The following MECOM variants were observed in gnomAD, a reference collection of about 807,000 sequenced individuals.
MECOM encodes histone-lysine N-methyltransferase MECOM.
In MECOM, 13 loss-of-function variants were observed where a neutral mutation model predicts 116.3. The observed-to-expected ratio is 0.11, with a 90% CI of 0.07 to 0.18. The LOEUF (loss-of-function observed/expected upper bound fraction) is 0.18, where lower values mean the gene tolerates loss of function less well. Ranked by LOEUF, MECOM falls within the 10% of genes least tolerant of loss-of-function variation. The pLI is 1.00. For missense variants in MECOM, 1,299 were observed against 1,509.0 expected (o/e 0.86, Z 2.31); for synonymous variants, 528 against 535.2 (o/e 0.99, Z 0.19).
At chr3:169,499,339 T>C (rs1271296758) in intron 1 of MECOM, among the ~76,000 whole-genome samples, 1 of 88,106 alleles carries the variant, frequency 1.1e-5, no homozygotes. Context: ...AAAAGACAGA[T>C]TACCCACAAA....
At chr3:169,285,196 G>A (rs1713024516) in intron 2 of MECOM, among the ~76,000 whole-genome samples, 1 of 152,160 alleles carries the variant, frequency 6.6e-6, no homozygotes, top group African/African-American at 2.4e-5. Flanking sequence ...AGTGTTTGTA[G>A]AGCCGTGTCT....
At chr3:169,473,594 C>T (rs781479125) in intron 1 of MECOM, among the ~76,000 whole-genome samples, 4 of 151,962 alleles carry the variant, frequency 2.6e-5, no homozygotes, top group Non-Finnish European at 5.9e-5. Flanking sequence ...CACAGTGAAA[C>T]CCTGTCTCTA....
chr3:169,572,434 G>A (rs534620296), intron 1 of MECOM, among the ~76,000 whole-genome samples: 226 of 152,280 alleles, frequency 1.5e-3, no homozygotes, highest in African/African-American at 5.1e-3. Flanking sequence ...ACAGTGTGGC[G>A]ATTCCTCAAG....
chr3:169,539,134 T>G (rs1273230669), intron 1 of MECOM, among the ~76,000 whole-genome samples: 1 of 152,178 alleles, frequency 6.6e-6, no homozygotes, highest in Non-Finnish European at 1.5e-5. Context: ...AGCTCGTTGT[T>G]CTTTAAATAT....
At chr3:169,381,738 T>C (rs748312035) in intron 1 of MECOM, among the ~76,000 whole-genome samples, 1 of 152,186 alleles carries the variant, frequency 6.6e-6, no homozygotes, top group Admixed American at 6.5e-5. Flanking sequence ...ATAAATCAAA[T>C]GAGCTAATCC....
intron 1 of MECOM, among the ~76,000 whole-genome samples, chr3:169,597,808 C>T (rs1448077700): frequency 2.0e-5 from 3 of 152,100 alleles, no homozygotes; most frequent in African/African-American, 7.2e-5. Context: ...TCCTGAGGTT[C>T]CTGTCCCAGA....
intron 2 of MECOM, among the ~76,000 whole-genome samples, chr3:169,314,311 T>C (rs1719341147): frequency 6.6e-6 from 1 of 152,204 alleles, no homozygotes; most frequent in South Asian, 2.1e-4. Context: ...CACTTCTTTA[T>C]AGATGAACAA....
intron 1 of MECOM, among the ~76,000 whole-genome samples, chr3:169,618,935 G>A (rs749427335): frequency 1.3e-5 from 2 of 151,566 alleles, no homozygotes; most frequent in South Asian, 2.1e-4. Flanking sequence ...AAAAGCCACC[G>A]TCCTCTAAGA....
At chr3:169,292,993 C>A (rs73172049) in intron 2 of MECOM, among the ~76,000 whole-genome samples, 2,632 of 152,220 alleles carry the variant, frequency 0.017, 25 homozygotes, top group Non-Finnish European at 0.027. Flanking sequence ...ACCACCTAAG[C>A]TCAGTGAGAT....
intron 1 of MECOM, among the ~76,000 whole-genome samples, chr3:169,589,154 C>T (rs1419870759): frequency 6.6e-6 from 1 of 151,886 alleles, no homozygotes; most frequent in Admixed American, 6.6e-5. Context: ...TTTTCCCTCC[C>T]AACTCTCCAA....
intron 1 of MECOM, among the ~76,000 whole-genome samples, chr3:169,397,655 A>G (rs1735218046): frequency 6.6e-6 from 1 of 152,238 alleles, no homozygotes; most frequent in South Asian, 2.1e-4. Flanking sequence ...TGAGACAGAT[A>G]TTCCCAGAGT....
At position 169,252,052 on chromosome 3, in the gene MECOM, G is replaced by C. The variant is rs149943172; in HGVS notation, c.376-108220C>G. Among the ~76,000 whole-genome samples, 499 of 152,022 alleles carry C rather than the reference G, an allele frequency of 3.3e-3. 4 individuals carry two copies. Among genetic ancestry groups the C allele is most frequent in the Admixed American group, 6.2e-3 (94 of 15,244 alleles). ...TGTTTTTGATCAGAGGTGGATAGAA[G>C]GTCATTTCAATCGAATCAAATGTAA... is the stretch of plus-strand genomic sequence containing the variant. On this transcript the variant is annotated intron_variant, in intron 2 of 16. Transcript: ENST00000651503.
chr3:169,594,531 G>A lies in MECOM; in HGVS notation c.37+68805C>T, dbSNP rs571725999. On this transcript the variant is annotated intron_variant, in intron 1 of 16. Transcript: ENST00000651503. The stretch of plus-strand genomic sequence containing the variant: ...CTTAATAGACCCATTGGGTGATTCC[G>A]ATACAGGCTACAGTTCGACAACCAC... 1.4e-4 allele frequency among the ~76,000 whole-genome samples: 21 copies of A among 151,966 alleles called. 1 individual carries two copies. The highest frequency in any genetic ancestry group is 1.4e-3 in the East Asian group (7 of 5,140).
At chr3:169,559,209 A>G (rs1762377187) in intron 1 of MECOM, among the ~76,000 whole-genome samples, 1 of 152,210 alleles carries the variant, frequency 6.6e-6, no homozygotes, top group Non-Finnish European at 1.5e-5. Flanking sequence ...GTTATAAATG[A>G]AGATCATATA....
At chr3:169,240,842 CT>C (rs1027842187) in intron 2 of MECOM, among the ~76,000 whole-genome samples, 6 of 152,156 alleles carry the variant, frequency 3.9e-5, no homozygotes, top group Non-Finnish European at 8.8e-5. Flanking sequence ...CCAAATCCCC[CT>C]TTTTATTATC....
chr3:169,472,206 A>T (rs957264548), intron 1 of MECOM, among the ~76,000 whole-genome samples: 1 of 150,834 alleles, frequency 6.6e-6, no homozygotes, highest in African/African-American at 2.4e-5. Context: ...ATTAAAAATT[A>T]AAAAAAAATT....
chr3:169,384,593 C>T (rs1334491724), intron 1 of MECOM, among the ~76,000 whole-genome samples: 1 of 152,106 alleles, frequency 6.6e-6, no homozygotes, highest in African/African-American at 2.4e-5. Context: ...CGATTTCTCC[C>T]CCATTGTTAG....
chr3:169,538,234 C>T (rs542943059), intron 1 of MECOM, among the ~76,000 whole-genome samples: 8 of 152,262 alleles, frequency 5.3e-5, no homozygotes, highest in East Asian at 1.9e-4. Flanking sequence ...CTCTTACTGC[C>T]GAATTTCTTT....
chr3:169,461,965 C>T (rs1439987196), intron 1 of MECOM, among the ~76,000 whole-genome samples: 1 of 152,132 alleles, frequency 6.6e-6, no homozygotes, highest in Non-Finnish European at 1.5e-5. Context: ...TACCTTCTTT[C>T]TTCATCTTTG....
Sources: gnomAD v4.1 joint callset for allele counts (sites outside exome capture counted in the v4.1 genomes callset) on GRCh38, gnomAD v4.1.1 for gene constraint, MANE v1.5 for transcripts, NCBI Gene and HGNC (gene_info 2026-07-23, HGNC 2026-07-21) for gene names.